MTUS1: variants seen among roughly 807,000 people sequenced by gnomAD.
MTUS1 encodes the protein microtubule associated scaffold protein 1, also known as microtubule-associated tumor suppressor 1.
Under a neutral mutation model 120.8 loss-of-function variants are expected in MTUS1, and 109 were observed. The ratio of observed to expected loss-of-function variants is 0.90; its 90% CI spans 0.77 to 1.06. MTUS1 has a LOEUF of 1.06. Among genes scored for constraint, MTUS1 ranks in the 50% least tolerant of loss-of-function variants. The pLI, the probability that MTUS1 is intolerant of heterozygous loss-of-function variation, is 0.00. For synonymous variants in MTUS1, 737 were observed against 550.5 expected, an observed-to-expected ratio of 1.34 and a Z score of -4.74; for missense variants, 2,210 against 1,486.3, an observed-to-expected ratio of 1.49 and a Z score of -8.01.
chr8:17,655,594 G>C (rs1205987805), intron 9 of MTUS1, among the ~76,000 whole-genome samples: 1 of 152,008 alleles, frequency 6.6e-6, no homozygotes, highest in Admixed American at 6.6e-5. Flanking sequence ...CATGGTGATG[G>C]GTGCCTATAG....
At chr8:17,745,056 G>T (rs768514696) in intron 2 of MTUS1, among the ~76,000 whole-genome samples, 78 of 152,308 alleles carry the variant, frequency 5.1e-4, no homozygotes, top group Non-Finnish European at 8.4e-4. Flanking sequence ...ATCAGCCATG[G>T]TCCTCATATT....
intron 6 of MTUS1, among the ~76,000 whole-genome samples, chr8:17,685,279 T>C (rs1241208869): frequency 6.6e-6 from 1 of 152,148 alleles, no homozygotes; most frequent in East Asian, 1.9e-4. Context: ...TAAGTGATTA[T>C]TCCCTTCCTG....
In MTUS1 at chr8:17,755,833, C is replaced by T; in HGVS notation, c.-26G>A. On this transcript the variant is annotated 5_prime_UTR_variant, in exon 2 of 15. Transcript: ENST00000693296. ...CCTGAATAGTAACCTTAAACCTCTGCCATTTTATTTCTTCTTCAATTCCTT... is the reference window on the plus strand; with the variant it reads ...CCTGAATAGTAACCTTAAACCTCTGTCATTTTATTTCTTCTTCAATTCCTT... 4 of 1,578,944 alleles carry T rather than the reference C, an allele frequency of 2.5e-6. No individual in the cohort carries two copies. The highest frequency in any genetic ancestry group is 3.4e-6 in the Non-Finnish European group (4 of 1,164,414).
At chr8:17,748,452 A>G (rs2047935856) in intron 2 of MTUS1, among the ~76,000 whole-genome samples, 1 of 152,160 alleles carries the variant, frequency 6.6e-6, no homozygotes, top group African/African-American at 2.4e-5. Flanking sequence ...TACCCAAAAA[A>G]GGTTATCACA....
intron 1 of MTUS1, among the ~76,000 whole-genome samples, chr8:17,783,273 G>C (rs2051037660): frequency 6.6e-6 from 1 of 152,174 alleles, no homozygotes; most frequent in Admixed American, 6.5e-5. Context: ...TGAGTGAGGT[G>C]TTCTCTCCAT....
At chr8:17,656,734 TG>T (rs879806935) in intron 8 of MTUS1, among the ~76,000 whole-genome samples, 2 of 151,794 alleles carry the variant, frequency 1.3e-5, no homozygotes, top group African/African-American at 4.8e-5. Context: ...AGCCAGCCAG[TG>T]TGGTAGAAGC....
intron 3 of MTUS1, among the ~76,000 whole-genome samples, chr8:17,738,019 A>G (rs906791154): frequency 8.5e-5 from 13 of 152,240 alleles, no homozygotes; most frequent in African/African-American, 3.1e-4. Flanking sequence ...ATAACTTAGC[A>G]AGAAAGAAGA....
chr8:17,770,879 G>A (rs1200585257), intron 1 of MTUS1, among the ~76,000 whole-genome samples: 4 of 152,196 alleles, frequency 2.6e-5, no homozygotes, highest in Non-Finnish European at 4.4e-5. Context: ...GATCATCTCT[G>A]AAAACAGAAG....
At chr8:17,795,328 C>T (rs1317690368) in intron 1 of MTUS1, among the ~76,000 whole-genome samples, 4 of 152,290 alleles carry the variant, frequency 2.6e-5, no homozygotes, top group East Asian at 3.9e-4. Flanking sequence ...TTTTAGTTAA[C>T]AGTAGAAGAT....
rs543053782 is a variant in MTUS1 at position 17,695,694 on chromosome 8, G to C, written c.2624-11152C>G. ...ACTTACCCAATAATGGAATGTTACAGAACTATTTTTTTTAATGAGGTAGAT... is the reference window on the plus strand; with the variant it reads ...ACTTACCCAATAATGGAATGTTACACAACTATTTTTTTTAATGAGGTAGAT... On this transcript the variant is annotated intron_variant, in intron 6 of 14. Transcript: ENST00000693296. Among the ~76,000 whole-genome samples, 69 of 152,030 alleles carry C rather than the reference G, an allele frequency of 4.5e-4. 1 individual carries two copies. The highest frequency in any genetic ancestry group is 1.9e-4 in the Non-Finnish European group (13 of 68,006).
intron 3 of MTUS1, among the ~76,000 whole-genome samples, chr8:17,737,553 A>ATTT (rs2047020654): frequency 6.6e-6 from 1 of 152,200 alleles, no homozygotes; most frequent in African/African-American, 2.4e-5. Flanking sequence ...CAGTGGTACA[A>ATTT]TTATAGCTCA....
chr8:17,773,451 A>G (rs2050163523), intron 1 of MTUS1, among the ~76,000 whole-genome samples: 1 of 152,176 alleles, frequency 6.6e-6, no homozygotes, highest in Admixed American at 6.5e-5. Flanking sequence ...TTTGATGTAT[A>G]TGTTACTATG....
chr8:17,666,859 G>C (rs777291398), intron 8 of MTUS1, among the ~76,000 whole-genome samples: 1 of 152,062 alleles, frequency 6.6e-6, no homozygotes, highest in Non-Finnish European at 1.5e-5. Flanking sequence ...ATGGGTATAG[G>C]AGACGTTGGG....
At chr8:17,705,008 G>C (rs913502704) in intron 6 of MTUS1, among the ~76,000 whole-genome samples, 2 of 152,008 alleles carry the variant, frequency 1.3e-5, no homozygotes, top group African/African-American at 2.4e-5. Context: ...TTTTGAGACG[G>C]AGTCTTGCTC....
Position 17,653,466 on chromosome 8 carries a change from A to G in MTUS1, c.3247T>C (p.Ser1083Pro). 3 of 1,612,184 alleles carry G rather than the reference A, an allele frequency of 1.9e-6. No individual in the cohort carries two copies. The highest frequency in any genetic ancestry group is 2.5e-6 in the Non-Finnish European group (3 of 1,179,170). ...IKKGHEIEKK[S>P]LEDLLSEKQE... ...TTCTCAGAAAGTAAATCTTCAAGCG[A>G]TTTCTTTTCTATTTCATGGCCTTTC... is the stretch of plus-strand genomic sequence containing the variant. Residue 1083 changes from serine to proline, a missense_variant, in exon 11 of 15, where the codon TCG becomes CCG. By Grantham distance (74) the Ser-to-Pro change is moderately conservative. Transcript: ENST00000693296.
chr8:17,690,883 T>C (rs909798093), intron 6 of MTUS1, among the ~76,000 whole-genome samples: 2 of 152,172 alleles, frequency 1.3e-5, no homozygotes, highest in Non-Finnish European at 2.9e-5. Flanking sequence ...TATTCAATAT[T>C]AGATACCTCT....
intron 1 of MTUS1, among the ~76,000 whole-genome samples, chr8:17,790,660 G>A (rs1043686009): frequency 2.0e-5 from 3 of 152,122 alleles, no homozygotes; most frequent in African/African-American, 7.2e-5. Context: ...GTAATTCTCA[G>A]CTATGTCATT....
intron 1 of MTUS1, among the ~76,000 whole-genome samples, chr8:17,758,612 G>A (rs10110932): frequency 6.6e-6 from 1 of 152,164 alleles, no homozygotes; most frequent in Admixed American, 6.5e-5. Context: ...CTTACATGCA[G>A]GGGATATAAT....
intron 4 of MTUS1, among the ~76,000 whole-genome samples, chr8:17,718,553 C>T (rs541221902): frequency 6.6e-6 from 1 of 152,202 alleles, no homozygotes; most frequent in Admixed American, 6.5e-5. Flanking sequence ...TGGATGCATC[C>T]TCAGAATCAT....
Sources: allele counts gnomAD v4.1 joint callset (sites outside exome capture counted in the v4.1 genomes callset), GRCh38; gene constraint gnomAD v4.1.1; transcripts MANE v1.5; gene names NCBI Gene and HGNC (gene_info 2026-07-23, HGNC 2026-07-21).